Variants in GPR176 observed in about 807,000 individuals in gnomAD.
GPR176 encodes the protein G protein-coupled receptor 176, also known as G-protein coupled receptor 176.
A neutral mutation model predicts 35.4 loss-of-function variants in GPR176; 26 were observed. The observed-to-expected ratio is 0.74, with a 90% CI of 0.54 to 1.02. GPR176 has a LOEUF of 1.02. Ranked by LOEUF, GPR176 falls within the 50% of genes least tolerant of loss-of-function variation. The pLI is 0.00. For synonymous variants in GPR176, 278 were observed against 271.3 expected (o/e 1.02, Z -0.24); for missense variants, 597 against 665.3 (o/e 0.90, Z 1.13).
chr15:39,887,469 C>T (rs1172577428), intron 1 of GPR176, among the ~76,000 whole-genome samples: 1 of 152,128 alleles, frequency 6.6e-6, no homozygotes, highest in Non-Finnish European at 1.5e-5. Context: ...ATCATTCATC[C>T]AACAGGTGAG....
At chr15:39,860,961 C>T (rs2031551001) in intron 1 of GPR176, 1 of 152,112 alleles carries the variant, frequency 6.6e-6, no homozygotes, top group Non-Finnish European at 1.5e-5. Flanking sequence ...AGAAGAGAAA[C>T]ACTACTAATG....
chr15:39,860,657 C>T (rs959811743), intron 1 of GPR176, among the ~76,000 whole-genome samples: 4 of 152,196 alleles, frequency 2.6e-5, no homozygotes, highest in African/African-American at 9.7e-5. Context: ...AGGCTCATAA[C>T]ACAGGCTTAC....
intron 1 of GPR176, among the ~76,000 whole-genome samples, chr15:39,884,320 A>G (rs926439246): frequency 1.3e-5 from 2 of 152,240 alleles, no homozygotes; most frequent in Non-Finnish European, 2.9e-5. Flanking sequence ...CCTAGCAGAC[A>G]TGGGAATCTC....
intron 1 of GPR176, among the ~76,000 whole-genome samples, chr15:39,856,584 C>T (rs1271539925): frequency 6.6e-6 from 1 of 152,200 alleles, no homozygotes; most frequent in Non-Finnish European, 1.5e-5. Context: ...TCAGTTCCTG[C>T]CAGGTGAACC....
At chr15:39,809,693 T>C (rs550916034) in intron 1 of GPR176, among the ~76,000 whole-genome samples, 3 of 152,302 alleles carry the variant, frequency 2.0e-5, no homozygotes, top group African/African-American at 7.2e-5. Flanking sequence ...CTCAACGCCA[T>C]TGCTGTGGAC....
chr15:39,810,116 G>T (rs1006939550), intron 1 of GPR176, among the ~76,000 whole-genome samples: 3 of 150,922 alleles, frequency 2.0e-5, no homozygotes, highest in Non-Finnish European at 4.4e-5. Context: ...CTCCAGCCTG[G>T]GTGACAGAGT....
intron 1 of GPR176, among the ~76,000 whole-genome samples, chr15:39,832,654 AACACACACACAC>A (rs112693906): frequency 6.2e-5 from 9 of 145,234 alleles, no homozygotes; most frequent in East Asian, 2.1e-4. Context: ...TGATGAGCTA[AACACACACACAC>A]ACACACACAC....
chr15:39,888,907 T>A (rs1455138499), intron 1 of GPR176, among the ~76,000 whole-genome samples: 1 of 152,176 alleles, frequency 6.6e-6, no homozygotes, highest in Non-Finnish European at 1.5e-5. Flanking sequence ...GGACTGGAAC[T>A]CCCAGCAAGA....
At chr15:39,876,117 C>A (rs904218110) in intron 1 of GPR176, among the ~76,000 whole-genome samples, 2 of 151,892 alleles carry the variant, frequency 1.3e-5, no homozygotes, top group African/African-American at 4.8e-5. Context: ...TGCCACTGCA[C>A]TCCAGCCTGG....
intron 1 of GPR176, among the ~76,000 whole-genome samples, chr15:39,887,338 T>C (rs897691283): frequency 2.0e-5 from 3 of 152,178 alleles, no homozygotes; most frequent in African/African-American, 7.2e-5. Context: ...AAGTCCTTGC[T>C]AATGAGGAAG....
rs181645828 is a variant in GPR176 at position 39,885,321 on chromosome 15, T to C, written c.172+34534A>G. Among the ~76,000 whole-genome samples, 103 of 152,350 alleles carry C rather than the reference T, an allele frequency of 6.8e-4. 1 individual carries two copies. Among genetic ancestry groups the C allele is most frequent in the Non-Finnish European group, 1.1e-3 (72 of 68,032 alleles). On this transcript the variant is annotated intron_variant, in intron 1 of 2. Transcript: ENST00000561100. ...TCCTGCCAATTCCACATAAGAAATA[T>C]ATTTGTGCCCTTTTTAAAAGCCAGG...
At chr15:39,838,393 C>T (rs1376485400) in intron 1 of GPR176, among the ~76,000 whole-genome samples, 2 of 152,086 alleles carry the variant, frequency 1.3e-5, no homozygotes, top group Non-Finnish European at 2.9e-5. Flanking sequence ...ATAAGATTTT[C>T]AAAGTTTTAA....
intron 1 of GPR176, among the ~76,000 whole-genome samples, chr15:39,844,450 G>A (rs542559925): frequency 1.7e-4 from 26 of 152,006 alleles, no homozygotes; most frequent in South Asian, 4.2e-4. Flanking sequence ...TCCAAACCAC[G>A]GTTAGACAGT....
At chr15:39,884,612 G>T (rs1045891496) in intron 1 of GPR176, among the ~76,000 whole-genome samples, 7 of 152,192 alleles carry the variant, frequency 4.6e-5, no homozygotes, top group Non-Finnish European at 1.0e-4. Flanking sequence ...CACATGGTTT[G>T]TGTTCTCATA....
chr15:39,878,910 G>T (rs1053448797), intron 1 of GPR176, among the ~76,000 whole-genome samples: 1 of 152,252 alleles, frequency 6.6e-6, no homozygotes, highest in Non-Finnish European at 1.5e-5. Context: ...AAACCCCTAT[G>T]TATTTAGGCA....
At chr15:39,887,618 G>A (rs991229269) in intron 1 of GPR176, among the ~76,000 whole-genome samples, 86 of 130,966 alleles carry the variant, frequency 6.6e-4, no homozygotes, top group African/African-American at 2.5e-3. Context: ...AAAAAAAAAA[G>A]CTTGTCTCCT....
chr15:39,838,452 G>C (rs557769549), intron 1 of GPR176, among the ~76,000 whole-genome samples: 6 of 152,234 alleles, frequency 3.9e-5, no homozygotes, highest in Non-Finnish European at 5.9e-5. Context: ...AAAGAAAACA[G>C]TTTTTCTTCA....
chr15:39,807,958 T>A (rs188532656), intron 1 of GPR176, among the ~76,000 whole-genome samples: 1 of 152,268 alleles, frequency 6.6e-6, no homozygotes, highest in East Asian at 1.9e-4. Context: ...ATGCAACCAA[T>A]CATCTCTCTT....
chr15:39,857,517 T>C (rs1270167297), intron 1 of GPR176, among the ~76,000 whole-genome samples: 1 of 150,166 alleles, frequency 6.7e-6, no homozygotes, highest in Non-Finnish European at 1.5e-5. Flanking sequence ...AAAAAATACA[T>C]AAATTAGTGG....
Sources: allele counts gnomAD v4.1 joint callset (sites outside exome capture counted in the v4.1 genomes callset), GRCh38; gene constraint gnomAD v4.1.1; transcripts MANE v1.5; gene names NCBI Gene and HGNC (gene_info 2026-07-23, HGNC 2026-07-21).